The following IFI44L variants were observed in gnomAD, a reference collection of about 807,000 sequenced individuals.
IFI44L encodes the protein interferon-induced protein 44-like.
Under a neutral mutation model 39.3 loss-of-function variants are expected in IFI44L, and 40 were observed. The ratio of observed to expected loss-of-function variants is 1.02; its 90% confidence interval spans 0.79 to 1.33. IFI44L has a LOEUF of 1.33. IFI44L is among the 40% of genes most tolerant of loss of function. The probability of loss-of-function intolerance (pLI) is 0.00; values close to 1 mark genes in which losing one functional copy is unlikely to be tolerated. For synonymous variants in IFI44L, 198 were observed against 182.3 expected (o/e 1.09, Z -0.69); for missense variants, 623 against 549.0 (o/e 1.13, Z -1.35).
At chr1:78,628,837 C>A in intron 2 of IFI44L, 114 bp from the exon 3 acceptor site, 1 of 672,688 alleles carries the variant, frequency 1.5e-6, no homozygotes, top group African/African-American at 1.8e-5. Flanking sequence ...CCTAACTGAG[C>A]AGCTCAGCCC....
intron 4 of IFI44L, among the ~76,000 whole-genome samples, chr1:78,634,937 C>T (rs889536382): frequency 3.4e-5 from 5 of 149,246 alleles, no homozygotes; most frequent in African/African-American, 9.9e-5. Context: ...AAAACAAATA[C>T]TGATAGTAGA....
intron 1 of IFI44L, chr1:78,620,864 A>G (rs530095263): frequency 1.3e-5 from 2 of 152,010 alleles, no homozygotes; most frequent in Non-Finnish European, 2.9e-5. Flanking sequence ...TCTTTTCATC[A>G]TCTCCTTCCT....
At chr1:78,633,276 C>T (rs1652821921) in intron 4 of IFI44L, among the ~76,000 whole-genome samples, 1 of 152,192 alleles carries the variant, frequency 6.6e-6, no homozygotes, top group South Asian at 2.1e-4. Context: ...AAATCCAGCA[C>T]TGGATAGAAC....
At chr1:78,640,953 A>G in intron 6 of IFI44L, 68 bp from the exon 7 acceptor site, 1 of 1,148,812 alleles carries the variant, frequency 8.7e-7, no homozygotes, top group South Asian at 1.3e-5. Context: ...GCCTTCACAC[A>G]TATTTAATAA....
intron 4 of IFI44L, chr1:78,630,332 A>T (rs1652703174): frequency 6.4e-6 from 1 of 155,084 alleles, no homozygotes; most frequent in African/African-American, 2.4e-5. Context: ...AGACATGGTC[A>T]TGAAAAGCAA....
intron 5 of IFI44L, chr1:78,636,113 C>T (rs1203455988): frequency 6.6e-6 from 1 of 151,996 alleles, no homozygotes; most frequent in Non-Finnish European, 1.5e-5. Flanking sequence ...TGTTGGGTAT[C>T]AGCCTCAATT....
rs1647010436 is a variant in IFI44L at position 78,643,411 on chromosome 1, A to G, written c.*1602A>G. On this transcript the variant is annotated 3_prime_UTR_variant, in exon 9 of 9. Transcript: ENST00000370751. Reference sequence around the variant, plus strand: ...GCACAGTAACACACCAATATACCAAAACAGCAGGTATTGCAGTAGAGAAAG... The same window carrying G: ...GCACAGTAACACACCAATATACCAAGACAGCAGGTATTGCAGTAGAGAAAG... 6.6e-6 allele frequency: 1 copy of G among 152,128 alleles called. No individual in the cohort carries two copies. The highest frequency in any genetic ancestry group is 2.4e-5 in the African/African-American group (1 of 41,432). 9.4% of individuals were successfully genotyped at this position (152,128 alleles called of 1,614,324 possible). A position where few individuals can be genotyped will look rare whatever the true frequency, so the allele number is the denominator to read the frequency against.
chr1:78,628,579 T>C, intron 2 of IFI44L, 186 bp downstream of exon 2: 1 of 564,474 alleles, frequency 1.8e-6, no homozygotes, highest in Non-Finnish European at 3.1e-6. Flanking sequence ...CCAGAACGTA[T>C]AGGCTGCTTT....
intron 2 of IFI44L, 104 bp downstream of exon 2, chr1:78,628,497 T>C (rs924917657): frequency 1.4e-5 from 10 of 711,636 alleles, no homozygotes; most frequent in African/African-American, 3.5e-5. Context: ...AAGGAACAGT[T>C]AGATTCATGC....
In IFI44L at chr1:78,624,497, T is replaced by C. The variant is rs183339014; in HGVS notation, c.-10-3409T>C. On this transcript the variant is annotated intron_variant, in intron 1 of 8. Transcript: ENST00000370751. ...AAGACTTGTTTTTTGACCTAACATG[T>C]AATCTATCCTGGAGAACGCTCCTAT... Among the ~76,000 whole-genome samples the C allele has an allele frequency of 1.5e-4, 23 of 152,314 alleles. No homozygotes were observed. In the East Asian group the frequency reaches 4.1e-3, roughly 27 times the overall value.
At position 78,637,047 on chromosome 1, in the gene IFI44L, C is replaced by T. The variant is rs1652975052; in HGVS notation, c.892C>T (p.Pro298Ser). The change falls in exon 6 of 9, where the codon CCA (proline) becomes TCA (serine). Residue 298 changes from proline to serine, a missense_variant. Coordinates refer to ENST00000370751, the MANE Select transcript of IFI44L (RefSeq NM_006820.4). ...PDRYQFNSRK[P>S]ITPEHSTFIT... ...TTTATAACAGTTTAATTCCCGTAAA[C>T]CAATTACACCTGAGCATTCTACTTT... 7 of 1,610,554 alleles carry T rather than the reference C, an allele frequency of 4.3e-6. No homozygotes were observed. Among genetic ancestry groups the T allele is most frequent in the Non-Finnish European group, 5.9e-6 (7 of 1,177,444 alleles).
At chr1:78,638,937 A>T (rs1297252767) in intron 6 of IFI44L, among the ~76,000 whole-genome samples, 1 of 152,034 alleles carries the variant, frequency 6.6e-6, no homozygotes, top group African/African-American at 2.4e-5. Context: ...TGGATCTTAC[A>T]TCTTGTGTTT....
chr1:78,635,588 G>C, intron 5 of IFI44L, 99 bp downstream of exon 5: 1 of 1,021,860 alleles, frequency 9.8e-7, no homozygotes, highest in South Asian at 1.4e-5. Flanking sequence ...CCCATAATGT[G>C]GTTTCAACAT....
intron 5 of IFI44L, among the ~76,000 whole-genome samples, chr1:78,636,399 C>A (rs1652953036): frequency 6.6e-6 from 1 of 152,046 alleles, no homozygotes; most frequent in South Asian, 2.1e-4. Flanking sequence ...TTTTTCACAG[C>A]AGGGAGCCAG....
In IFI44L at chr1:78,645,581, A is replaced by G. The variant is rs556640385; in HGVS notation, c.*3772A>G. 6.6e-6 allele frequency: 1 copy of G among 152,294 alleles called. No homozygotes were observed. The highest frequency in any genetic ancestry group is 1.5e-5 in the Non-Finnish European group (1 of 68,024). 9.4% of individuals were successfully genotyped at this position (152,294 alleles called of 1,614,324 possible). A position where few individuals can be genotyped will look rare whatever the true frequency, so the allele number is the denominator to read the frequency against. On this transcript the variant is annotated 3_prime_UTR_variant, in exon 9 of 9. Coordinates refer to ENST00000370751, the MANE Select transcript of IFI44L (RefSeq NM_006820.4). ...GCTGATGAATAATCATCTCCTAGCA[A>G]CATAACTCAATCTAATGCTAAGGTA...
chr1:78,642,591 C>T lies in IFI44L; in HGVS notation c.*782C>T, dbSNP rs1296566044. ...CTCAAAAAAACCAAATAAAACAAAA[C>T]AAACAAACGAAAAACAGAAAGGAAG... On this transcript the variant is annotated 3_prime_UTR_variant, in exon 9 of 9. Transcript: ENST00000370751. 1 of 151,094 alleles carries T rather than the reference C, an allele frequency of 6.6e-6. No homozygotes were observed. The highest frequency in any genetic ancestry group is 1.5e-5 in the Non-Finnish European group (1 of 67,652). 9.4% of individuals were successfully genotyped at this position (151,094 alleles called of 1,614,324 possible).
At position 78,628,336 on chromosome 1, in the gene IFI44L, A is replaced by G; in HGVS notation, c.421A>G (p.Lys141Glu). 1 of 1,598,444 alleles carries G rather than the reference A, an allele frequency of 6.3e-7. No homozygotes were observed. Among genetic ancestry groups the G allele is most frequent in the Non-Finnish European group, 8.5e-7 (1 of 1,174,196 alleles). Residue 141 changes from lysine to glutamate, a missense_variant, in exon 2 of 9, where the codon AAA (lysine) becomes GAA (glutamate). Physicochemically the swap from Lys to Glu is moderately conservative, Grantham distance 56. Transcript: ENST00000370751. ...YLDKMITRNLKLRFYGHRQYL... is the reference protein window; with the variant it reads ...YLDKMITRNLELRFYGHRQYL... ...AGATAAAATGATAACAAGAAACTTG[A>G]AACTAAGGTTTTATGGCCACCGTCA... is the stretch of plus-strand genomic sequence containing the variant.
intron 4 of IFI44L, 29 bp from the exon 5 acceptor site, chr1:78,635,308 C>A: frequency 6.6e-7 from 1 of 1,506,642 alleles, no homozygotes; most frequent in African/African-American, 1.4e-5. Flanking sequence ...GATGAATGAA[C>A]CTTTACACTT....
At chr1:78,630,929 C>T (rs1182462533) in intron 4 of IFI44L, among the ~76,000 whole-genome samples, 1 of 152,094 alleles carries the variant, frequency 6.6e-6, no homozygotes. Flanking sequence ...TTTATTCAGA[C>T]ATAGAGACCT....
Sources: gnomAD v4.1 joint callset for allele counts (sites outside exome capture counted in the v4.1 genomes callset) on GRCh38, gnomAD v4.1.1 for gene constraint, MANE v1.5 for transcripts, NCBI Gene and HGNC (gene_info 2026-07-23, HGNC 2026-07-21) for gene names.